The following HIF1A variants were observed in gnomAD, a reference collection of about 807,000 sequenced individuals.
HIF1A encodes the protein hypoxia inducible factor 1 subunit alpha.
In HIF1A, 24 loss-of-function variants were observed where a neutral mutation model predicts 92.7. That is an observed-to-expected ratio of 0.26 (90% CI 0.19 to 0.36). HIF1A has a LOEUF of 0.36. Ranked by LOEUF, HIF1A falls within the 10% of genes least tolerant of loss-of-function variation. The pLI is 1.00. For missense variants in HIF1A, 799 were observed against 998.5 expected, an observed-to-expected ratio of 0.80 and a Z score of 2.69; for synonymous variants, 319 against 338.7, an observed-to-expected ratio of 0.94 and a Z score of 0.64.
intron 1 of HIF1A, among the ~76,000 whole-genome samples, chr14:61,717,294 A>G (rs1480057326): frequency 6.6e-6 from 1 of 152,226 alleles, no homozygotes; most frequent in Non-Finnish European, 1.5e-5. Context: ...AACTCACAAG[A>G]ACTTCAGAAG....
intron 1 of HIF1A, among the ~76,000 whole-genome samples, chr14:61,713,950 A>C (rs796305007): frequency 3.3e-5 from 5 of 152,264 alleles, no homozygotes; most frequent in African/African-American, 1.2e-4. Flanking sequence ...TGGTGGAGAG[A>C]ACCCCTCCTC....
chr14:61,740,434 T>A lies in HIF1A; in HGVS notation c.1537-71T>A, dbSNP rs148373460. The A allele has an allele frequency of 8.1e-3, 9,368 of 1,162,766 alleles. 66 individuals carry two copies. The highest frequency in any genetic ancestry group is 0.019 in the Middle Eastern group (69 of 3,546). 72.0% of individuals were successfully genotyped at this position (1,162,766 alleles called of 1,614,324 possible). A position where few individuals can be genotyped will look rare whatever the true frequency, so the allele number is the denominator to read the frequency against. On this transcript the variant is annotated intron_variant, in intron 10 of 14. Coordinates refer to ENST00000337138, the MANE Select transcript of HIF1A (RefSeq NM_001530.4). ...TTTCTGGTTTTTCTGAGATCTAGTT[T>A]GAAAATTCTGACAACTAGCAAAGTA... is the stretch of plus-strand genomic sequence containing the variant.
Position 61,732,410 on chromosome 14 carries a change from A to G in HIF1A, c.774-8A>G, listed in dbSNP as rs1349728183. On this transcript the variant is annotated splice_polypyrimidine_tract_variant and splice_region_variant and intron_variant, in intron 6 of 14. Coordinates refer to ENST00000337138, the MANE Select transcript of HIF1A (RefSeq NM_001530.4). ...TTTTTTCTTAAATCTTGTATTTTTT[A>G]CTAACAGAATTACCGAATTGATGGG... 6.4e-7 allele frequency: 1 copy of G among 1,567,750 alleles called. No individual in the cohort carries two copies.
Position 61,746,992 on chromosome 14 carries a change from C to G in HIF1A, c.2388C>G (p.Thr796=). 1 of 1,613,524 alleles carries G rather than the reference C, an allele frequency of 6.2e-7. No individual in the cohort carries two copies. The highest frequency in any genetic ancestry group is 8.5e-7 in the Non-Finnish European group (1 of 1,179,554). The change falls in exon 15 of 15, where the codon ACC becomes ACG. Residue 796 remains threonine, a synonymous_variant. Coordinates refer to ENST00000337138, the MANE Select transcript of HIF1A (RefSeq NM_001530.4). ...SMDESGLPQL[T]SYDCEVNAPI... ...ATGAAAGTGGATTACCACAGCTGACCAGTTATGATTGTGAAGTTAATGCTC... is the reference window on the plus strand; with the variant it reads ...ATGAAAGTGGATTACCACAGCTGACGAGTTATGATTGTGAAGTTAATGCTC...
In HIF1A at chr14:61,720,547, G is replaced by T. The variant is rs765076295; in HGVS notation, c.201G>T (p.Leu67Phe). 2.5e-6 allele frequency: 4 copies of T among 1,604,872 alleles called. No individual in the cohort carries two copies. In the East Asian group the frequency reaches 9.0e-5, roughly 36 times the overall value. The change falls in exon 2 of 15, where the codon TTG (leucine) becomes TTT (phenylalanine). Residue 67 changes from leucine to phenylalanine, a missense_variant. By Grantham distance (22) the Leu-to-Phe change is conservative (BLOSUM62 0). Transcript: ENST00000337138. ...TGATGAGGCTTACCATCAGCTATTT[G>T]CGTGTGAGGAAACTTCTGGATGCTG... ...ASVMRLTISY[L>F]RVRKLLDAGD...
chr14:61,714,982 C>T (rs569364104), intron 1 of HIF1A, among the ~76,000 whole-genome samples: 10 of 151,922 alleles, frequency 6.6e-5, no homozygotes, highest in South Asian at 2.1e-4. Context: ...TGCAGTGAGC[C>T]GAGATCGCGC....
At chr14:61,741,366 T>TTC (rs1256903415) in intron 12 of HIF1A, among the ~76,000 whole-genome samples, 178 bp downstream of exon 12, 2 of 148,906 alleles carry the variant, frequency 1.3e-5, no homozygotes, top group African/African-American at 4.9e-5. Flanking sequence ...TTTTCTTTCT[T>TTC]TTTTTTTTTT....
In HIF1A at chr14:61,747,900, C is replaced by G. The variant is rs1346293284; in HGVS notation, c.*815C>G. 6.6e-6 allele frequency: 1 copy of G among 152,204 alleles called. No individual in the cohort carries two copies. Among genetic ancestry groups the G allele is most frequent in the Non-Finnish European group, 1.5e-5 (1 of 67,928 alleles). The allele number at this position is 152,204 out of a possible 1,614,324, so 9.4% of individuals were successfully genotyped here. ...GGAAGTTTATGCTAATATTGTGTAA[C>G]TGATATTAAACCTAAATGTTCTGCC... On this transcript the variant is annotated 3_prime_UTR_variant, in exon 15 of 15. Transcript: ENST00000337138.
At chr14:61,699,329 CT>C (rs1212369402) in intron 1 of HIF1A, among the ~76,000 whole-genome samples, 1 of 152,178 alleles carries the variant, frequency 6.6e-6, no homozygotes, top group East Asian at 1.9e-4. Flanking sequence ...ATTGTCTTTA[CT>C]TTTAACGCCA....
chr14:61,726,603 G>A lies in HIF1A; in HGVS notation c.458-103G>A, dbSNP rs149843677. On this transcript the variant is annotated intron_variant, in intron 4 of 14. Transcript: ENST00000337138. ...ACTGTGTTCATGCTGAGACTTAATT[G>A]AACGGGTATTCAGTTGATCTAGGTG... 90 of 629,098 alleles carry A rather than the reference G, an allele frequency of 1.4e-4. No individual in the cohort carries two copies. In the African/African-American group the frequency reaches 1.6e-3, roughly 12 times the overall value. 39.0% of individuals were successfully genotyped at this position (629,098 alleles called of 1,614,324 possible).
chr14:61,733,429 G>T (rs897702222), intron 7 of HIF1A, among the ~76,000 whole-genome samples: 1 of 152,118 alleles, frequency 6.6e-6, no homozygotes, highest in African/African-American at 2.4e-5. Context: ...CATAAGATTT[G>T]ATTCTGAATT....
chr14:61,695,723 C>A lies in HIF1A; in HGVS notation c.-82C>A. On this transcript the variant is annotated 5_prime_UTR_variant, in exon 1 of 15. Transcript: ENST00000337138. ...TGGACTTGCCTTTCCTTCTCTTCTC[C>A]GCGTGTGGAGGGAGCCAGCGCTTAG... 6.9e-7 allele frequency: 1 copy of A among 1,453,156 alleles called. No individual in the cohort carries two copies. The highest frequency in any genetic ancestry group is 9.4e-7 in the Non-Finnish European group (1 of 1,062,156). The allele number at this position is 1,453,156 out of a possible 1,614,324, so 90.0% of individuals were successfully genotyped here.
At chr14:61,709,391 T>G (rs925018124) in intron 1 of HIF1A, among the ~76,000 whole-genome samples, 1 of 152,226 alleles carries the variant, frequency 6.6e-6, no homozygotes, top group African/African-American at 2.4e-5. Flanking sequence ...TAAATTAACA[T>G]GTAAATGAAA....
At chr14:61,732,564 T>G in intron 7 of HIF1A, 40 bp downstream of exon 7, 1 of 1,252,552 alleles carries the variant, frequency 8.0e-7, no homozygotes. Context: ...TCTAATTACT[T>G]AACTGTTGCA....
At position 61,740,850 on chromosome 14, in the gene HIF1A, C is replaced by A. The variant is rs1186873773; in HGVS notation, c.1755C>A (p.Ser585Arg). Residue 585 changes from serine to arginine, a missense_variant, in exon 12 of 15, where the codon AGC becomes AGA. By Grantham distance (110) the Ser-to-Arg change is moderately radical (BLOSUM62 -1). Coordinates refer to ENST00000337138, the MANE Select transcript of HIF1A (RefSeq NM_001530.4). ...TCGATCAGTTGTCACCATTAGAAAGCAGTTCCGCAAGCCCTGAAAGCGCAA... is the reference window on the plus strand; with the variant it reads ...TCGATCAGTTGTCACCATTAGAAAGAAGTTCCGCAAGCCCTGAAAGCGCAA... ...RSFDQLSPLE[S>R]SSASPESASP... is the part of the protein sequence containing the mutation. 1 of 1,614,114 alleles carries A rather than the reference C, an allele frequency of 6.2e-7. No homozygotes were observed. Among genetic ancestry groups the A allele is most frequent in the Non-Finnish European group, 8.5e-7 (1 of 1,179,960 alleles).
At chr14:61,742,359 T>C (rs1271781274) in intron 12 of HIF1A, among the ~76,000 whole-genome samples, 1 of 152,342 alleles carries the variant, frequency 6.6e-6, no homozygotes, top group Non-Finnish European at 1.5e-5. Context: ...ACATAGCTTT[T>C]TTCCCTGCCT....
intron 9 of HIF1A, among the ~76,000 whole-genome samples, 196 bp downstream of exon 9, chr14:61,737,305 G>A (rs1027115286): frequency 6.6e-6 from 1 of 152,028 alleles, no homozygotes; most frequent in Non-Finnish European, 1.5e-5. Flanking sequence ...TTTTTATACT[G>A]TTGGAAATTG....
At position 61,747,613 on chromosome 14, in the gene HIF1A, AG is replaced by A. The variant is rs1432702227; in HGVS notation, c.*529del. ...GAATATATTCTGCGTTTATAAAACT[AG>A]TTTTTAAGAAGAAATTTTTTTTGGC... On this transcript the variant is annotated 3_prime_UTR_variant, in exon 15 of 15. Transcript: ENST00000337138. 1.3e-5 allele frequency: 2 copies of A among 152,620 alleles called. No individual in the cohort carries two copies. Among genetic ancestry groups the A allele is most frequent in the African/African-American group, 4.8e-5 (2 of 41,456 alleles). The allele number at this position is 152,620 out of a possible 1,614,324, so 9.5% of individuals were successfully genotyped here.
intron 12 of HIF1A, 49 bp downstream of exon 12, chr14:61,741,237 T>A: frequency 7.7e-7 from 1 of 1,290,858 alleles, no homozygotes; most frequent in Non-Finnish European, 1.1e-6. Flanking sequence ...ATTTTTGAGA[T>A]AAATGTATGT....
Sources: allele counts gnomAD v4.1 joint callset (sites outside exome capture counted in the v4.1 genomes callset), GRCh38; gene constraint gnomAD v4.1.1; transcripts MANE v1.5; gene names NCBI Gene and HGNC (gene_info 2026-07-23, HGNC 2026-07-21).